Variants in ABCB7 observed in about 807,000 individuals in gnomAD.
ABCB7 encodes the protein ATP binding cassette subfamily B member 7, also known as iron-sulfur clusters transporter ABCB7, mitochondrial.
In ABCB7, 7 loss-of-function variants were observed where a neutral mutation model predicts 54.4. The observed-to-expected ratio is 0.13, with a 90% CI of 0.07 to 0.24. The LOEUF (loss-of-function observed/expected upper bound fraction) is 0.24. Ranked by LOEUF, ABCB7 falls within the 10% of genes least tolerant of loss-of-function variation. The pLI, the probability that ABCB7 is intolerant of heterozygous loss-of-function variation, is 1.00. For missense variants in ABCB7, 356 were observed against 570.4 expected (o/e 0.62, Z 3.83); for synonymous variants, 218 against 207.1 (o/e 1.05, Z -0.45).
chrX:75,117,272 G>C (rs2081829504), intron 1 of ABCB7, among the ~76,000 whole-genome samples: 1 of 109,334 alleles, frequency 9.1e-6, no homozygotes, highest in African/African-American at 3.3e-5. Context: ...CTAACTTTGG[G>C]TAAGTGGTGA....
chrX:75,069,896 A>G (rs769481943), intron 10 of ABCB7, among the ~76,000 whole-genome samples: 15 of 109,457 alleles, frequency 1.4e-4, no homozygotes, highest in African/African-American at 4.8e-4. Flanking sequence ...TTATTTTGAG[A>G]CGGAGTTCGC....
intron 1 of ABCB7, among the ~76,000 whole-genome samples, chrX:75,120,891 C>T (rs1270374614): frequency 1.8e-5 from 2 of 110,586 alleles, no homozygotes; most frequent in African/African-American, 6.6e-5. Flanking sequence ...GGAATTTAAA[C>T]AACTGATAGG....
At chrX:75,106,717 A>G (rs895762116) in intron 3 of ABCB7, among the ~76,000 whole-genome samples, 2 of 111,895 alleles carry the variant, frequency 1.8e-5, no homozygotes, top group African/African-American at 6.5e-5. Context: ...CACAATTCAT[A>G]CTAGCAAAGT....
intron 1 of ABCB7, among the ~76,000 whole-genome samples, chrX:75,137,275 C>T (rs914152786): frequency 6.2e-5 from 7 of 112,285 alleles, no homozygotes; most frequent in Admixed American, 9.4e-5. Flanking sequence ...AGCATATTAA[C>T]GAATACTCAA....
intron 1 of ABCB7, among the ~76,000 whole-genome samples, chrX:75,120,354 T>G (rs1187845369): frequency 8.9e-6 from 1 of 112,045 alleles, no homozygotes; most frequent in Non-Finnish European, 1.9e-5. Context: ...CTCACGCCTG[T>G]AATCCCAGCA....
At chrX:75,081,706 G>C (rs907398963) in intron 4 of ABCB7, among the ~76,000 whole-genome samples, 4 of 111,587 alleles carry the variant, frequency 3.6e-5, no homozygotes, top group African/African-American at 1.3e-4. Flanking sequence ...TGAAATCCCA[G>C]CGCTTGTTAA....
intron 10 of ABCB7, among the ~76,000 whole-genome samples, chrX:75,069,758 A>G (rs2081349613): frequency 9.0e-6 from 1 of 111,596 alleles, no homozygotes. Context: ...GCAATCATAT[A>G]TTCCATGTCA....
intron 8 of ABCB7, among the ~76,000 whole-genome samples, chrX:75,072,110 C>A (rs912491449): frequency 9.0e-6 from 1 of 111,113 alleles, no homozygotes; most frequent in Non-Finnish European, 1.9e-5. Context: ...TTTTTTACCA[C>A]CCTCCCCTGT....
intron 4 of ABCB7, among the ~76,000 whole-genome samples, chrX:75,088,011 C>A (rs901597776): frequency 1.8e-5 from 2 of 111,736 alleles, no homozygotes; most frequent in African/African-American, 6.5e-5. Flanking sequence ...AAAAGTAGAT[C>A]ACACTGATAT....
intron 1 of ABCB7, among the ~76,000 whole-genome samples, chrX:75,119,771 T>C (rs1433843549): frequency 8.9e-6 from 1 of 111,783 alleles, no homozygotes; most frequent in Admixed American, 9.5e-5. Context: ...TTCGTGTATG[T>C]TATTAATAGT....
At chrX:75,144,189 C>G (rs1295611623) in intron 1 of ABCB7, among the ~76,000 whole-genome samples, 1 of 111,405 alleles carries the variant, frequency 9.0e-6, no homozygotes, top group African/African-American at 3.3e-5. Context: ...TCAAACTGCA[C>G]CCAGAATCAC....
At chrX:75,084,511 A>G (rs1444066106) in intron 4 of ABCB7, among the ~76,000 whole-genome samples, 1 of 112,246 alleles carries the variant, frequency 8.9e-6, no homozygotes, top group Non-Finnish European at 1.9e-5. Context: ...TAAAAGAGAA[A>G]AATATATAAA....
intron 1 of ABCB7, among the ~76,000 whole-genome samples, chrX:75,134,365 C>G (rs74675599): frequency 8.9e-6 from 1 of 111,762 alleles, no homozygotes; most frequent in Non-Finnish European, 1.9e-5. Context: ...TAGATAACCA[C>G]ACAATAATAG....
intron 12 of ABCB7, 26 bp downstream of exon 12, chrX:75,068,981 A>G (rs748354223): frequency 3.3e-6 from 4 of 1,202,628 alleles, no homozygotes; most frequent in East Asian, 3.0e-5. Flanking sequence ...TCCTCCAAAA[A>G]TTTGTTTTTT....
intron 1 of ABCB7, among the ~76,000 whole-genome samples, chrX:75,143,009 T>C (rs2082065367): frequency 8.9e-6 from 1 of 112,605 alleles, no homozygotes; most frequent in Middle Eastern, 4.6e-3. Context: ...TTTACATATA[T>C]GACCATACTC....
At chrX:75,119,530 G>A (rs2081856098) in intron 1 of ABCB7, among the ~76,000 whole-genome samples, 1 of 111,980 alleles carries the variant, frequency 8.9e-6, no homozygotes, top group Non-Finnish European at 1.9e-5. Flanking sequence ...TTACCTTATG[G>A]TCAAACATTA....
intron 1 of ABCB7, among the ~76,000 whole-genome samples, chrX:75,147,112 A>G (rs2082097396): frequency 8.9e-6 from 1 of 111,873 alleles, no homozygotes; most frequent in Non-Finnish European, 1.9e-5. Context: ...CAAAATCACA[A>G]CAAAACACCA....
chrX:75,115,266 CAAAAAAAAA>C (rs1160024642), intron 1 of ABCB7, among the ~76,000 whole-genome samples: 2 of 13,250 alleles, frequency 1.5e-4, no homozygotes, highest in African/African-American at 6.5e-4. Context: ...GACTCTGTCT[CAAAAAAAAA>C]AAAAAAAAAA....
chrX:75,087,448 G>A (rs981084637), intron 4 of ABCB7, among the ~76,000 whole-genome samples: 1 of 112,109 alleles, frequency 8.9e-6, no homozygotes, highest in Non-Finnish European at 1.9e-5. Context: ...ATTAATTCAT[G>A]AAAATTAGGT....
Sources: allele counts gnomAD v4.1 joint callset (sites outside exome capture counted in the v4.1 genomes callset), GRCh38; gene constraint gnomAD v4.1.1; transcripts MANE v1.5; gene names NCBI Gene and HGNC (gene_info 2026-07-23, HGNC 2026-07-21).